Variants in CSMD1 observed in about 807,000 individuals in gnomAD.
CSMD1 encodes CUB and sushi domain-containing protein 1.
Under a neutral mutation model 417.5 loss-of-function variants are expected in CSMD1, and 213 were observed. That is an observed-to-expected ratio of 0.51 (90% CI 0.46 to 0.57). The LOEUF (loss-of-function observed/expected upper bound fraction) is 0.57. Among genes scored for constraint, CSMD1 ranks in the 20% least tolerant of loss-of-function variants. The pLI is 0.00. For missense variants in CSMD1, 6,923 were observed against 4,529.7 expected (o/e 1.53, Z -15.17); for synonymous variants, 2,862 against 1,736.8 (o/e 1.65, Z -16.11).
At chr8:3,470,560 G>A (rs62473733) in intron 11 of CSMD1, among the ~76,000 whole-genome samples, 8,601 of 152,110 alleles carry the variant, frequency 0.057, 327 homozygotes, top group Middle Eastern at 0.11. Context: ...ATGTAGCTCT[G>A]CACAAATACG....
At chr8:3,527,831 A>G (rs1330598728) in intron 10 of CSMD1, among the ~76,000 whole-genome samples, 6 of 152,324 alleles carry the variant, frequency 3.9e-5, no homozygotes, top group Admixed American at 3.3e-4. Flanking sequence ...ATAACAGTAG[A>G]TGTGCATCTC....
At chr8:3,132,740 A>G (rs966234747) in intron 41 of CSMD1, among the ~76,000 whole-genome samples, 4 of 152,192 alleles carry the variant, frequency 2.6e-5, no homozygotes, top group African/African-American at 9.7e-5. Context: ...ACTATTCACC[A>G]TATCATTCCT....
intron 3 of CSMD1, among the ~76,000 whole-genome samples, chr8:4,230,621 A>G (rs1023754317): frequency 2.0e-5 from 3 of 152,142 alleles, no homozygotes; most frequent in Admixed American, 1.3e-4. Flanking sequence ...ATGTTTTTAA[A>G]CCCCCAAATT....
chr8:3,493,293 CAA>C (rs752935476), intron 11 of CSMD1, among the ~76,000 whole-genome samples: 1,018 of 90,536 alleles, frequency 0.011, 8 homozygotes, highest in African/African-American at 0.038. Flanking sequence ...GAACCTGTCT[CAA>C]AAAAAAAAAA....
At chr8:4,126,493 G>A (rs772291822) in intron 3 of CSMD1, among the ~76,000 whole-genome samples, 5 of 152,126 alleles carry the variant, frequency 3.3e-5, no homozygotes, top group Non-Finnish European at 7.4e-5. Flanking sequence ...ACCTCCATGG[G>A]CACACTGGAA....
intron 54 of CSMD1, among the ~76,000 whole-genome samples, chr8:2,988,660 T>C (rs1349429794): frequency 6.6e-6 from 1 of 152,212 alleles, no homozygotes; most frequent in African/African-American, 2.4e-5. Flanking sequence ...AATTATTTCA[T>C]CCAGAAAGAT....
intron 3 of CSMD1, among the ~76,000 whole-genome samples, chr8:4,144,674 C>G (rs903806030): frequency 6.6e-6 from 1 of 150,916 alleles, no homozygotes; most frequent in African/African-American, 2.5e-5. Flanking sequence ...CCTCTATGTC[C>G]CGACTGTGCG....
At chr8:4,896,817 G>C (rs1326405394) in intron 1 of CSMD1, among the ~76,000 whole-genome samples, 2 of 151,922 alleles carry the variant, frequency 1.3e-5, no homozygotes, top group Non-Finnish European at 2.9e-5. Flanking sequence ...GAAGTGCAGG[G>C]CTATCCAGTG....
rs544384138 is a variant in CSMD1 at position 4,453,121 on chromosome 8, T to C, written c.303-33056A>G. On this transcript the variant is annotated intron_variant, in intron 2 of 69. Coordinates refer to ENST00000635120, the MANE Select transcript of CSMD1 (RefSeq NM_033225.6). ...AGGGAGCCAATGATTCGGAATTCCT[T>C]GGACACATGTGTCACCAATTTGAGG... Among the ~76,000 whole-genome samples the C allele has an allele frequency of 8.8e-4, 134 of 152,026 alleles. 1 individual carries two copies. The highest frequency in any genetic ancestry group is 3.2e-3 in the African/African-American group (132 of 41,472).
At chr8:4,631,652 AT>A (rs1311733910) in intron 2 of CSMD1, among the ~76,000 whole-genome samples, 1 of 152,200 alleles carries the variant, frequency 6.6e-6, no homozygotes, top group Admixed American at 6.5e-5. Flanking sequence ...TTTTAAAAAT[AT>A]TTAATGCATT....
intron 7 of CSMD1, among the ~76,000 whole-genome samples, chr8:3,631,293 T>C (rs1180376174): frequency 2.6e-5 from 4 of 152,196 alleles, no homozygotes; most frequent in Admixed American, 2.6e-4. Flanking sequence ...AGGCCCATGG[T>C]AGCAGCGGAT....
At chr8:4,761,894 C>CCTATCTATCTATCAAT (rs1812119418) in intron 1 of CSMD1, among the ~76,000 whole-genome samples, 1 of 83,746 alleles carries the variant, frequency 1.2e-5, no homozygotes, top group East Asian at 3.8e-4. Flanking sequence ...TATCTACCTA[C>CCTATCTATCTATCAAT]CTATCTATCT....
intron 1 of CSMD1, among the ~76,000 whole-genome samples, chr8:4,768,091 G>A (rs1470000452): frequency 1.3e-5 from 2 of 152,262 alleles, no homozygotes; most frequent in South Asian, 2.1e-4. Flanking sequence ...CCACCCAGCA[G>A]TTATGTGTTC....
intron 25 of CSMD1, among the ~76,000 whole-genome samples, chr8:3,306,098 G>A (rs1367558727): frequency 6.6e-6 from 1 of 151,976 alleles, no homozygotes; most frequent in Admixed American, 6.6e-5. Flanking sequence ...TTCTCATGTA[G>A]GGTGTATAAT....
At chr8:4,914,718 G>C (rs919590577) in intron 1 of CSMD1, among the ~76,000 whole-genome samples, 2 of 152,148 alleles carry the variant, frequency 1.3e-5, no homozygotes, top group African/African-American at 2.4e-5. Flanking sequence ...TAATAAACAT[G>C]AGACGTTTTC....
chr8:3,673,523 A>G (rs1799196745), intron 7 of CSMD1, among the ~76,000 whole-genome samples: 1 of 152,202 alleles, frequency 6.6e-6, no homozygotes, highest in Non-Finnish European at 1.5e-5. Flanking sequence ...TTTACAGGAG[A>G]AAGTGTTTGC....
intron 2 of CSMD1, among the ~76,000 whole-genome samples, chr8:4,554,530 C>T (rs1348846489): frequency 2.0e-5 from 3 of 152,058 alleles, no homozygotes. Context: ...ATAGAAATTA[C>T]TGGAGTGATA....
At chr8:4,465,068 C>A (rs948289193) in intron 2 of CSMD1, among the ~76,000 whole-genome samples, 1 of 152,084 alleles carries the variant, frequency 6.6e-6, no homozygotes, top group African/African-American at 2.4e-5. Context: ...ATTTCAGACT[C>A]AGTTTACCTG....
intron 12 of CSMD1, among the ~76,000 whole-genome samples, chr8:3,416,329 G>A (rs1012279658): frequency 5.0e-5 from 7 of 140,806 alleles, no homozygotes; most frequent in African/African-American, 1.3e-4. Flanking sequence ...AAAAAAAAGT[G>A]TTCTTTAGAT....
Sources: allele counts gnomAD v4.1 joint callset (sites outside exome capture counted in the v4.1 genomes callset), GRCh38; gene constraint gnomAD v4.1.1; transcripts MANE v1.5; gene names NCBI Gene and HGNC (gene_info 2026-07-23, HGNC 2026-07-21).